ME1: variants seen among roughly 807,000 people sequenced by gnomAD.
ME1 encodes malic enzyme 1.
In ME1, 74 loss-of-function variants were observed where a neutral mutation model predicts 66.4. The observed-to-expected ratio is 1.11, with a 90% confidence interval of 0.92 to 1.35. ME1 has a LOEUF of 1.35. Ranked by LOEUF, ME1 falls within the 40% of genes most tolerant of loss-of-function variation. The pLI is 0.00. For synonymous variants in ME1, 251 were observed against 235.6 expected (o/e 1.07, Z -0.60); for missense variants, 750 against 694.1 (o/e 1.08, Z -0.90).
chr6:83,358,530 A>G (rs1370887986), intron 3 of ME1, among the ~76,000 whole-genome samples: 2 of 152,208 alleles, frequency 1.3e-5, no homozygotes, highest in Non-Finnish European at 2.9e-5. Context: ...ACAAGCTCTT[A>G]TTGTGCAAGT....
At chr6:83,275,569 C>T (rs1767163620) in intron 6 of ME1, among the ~76,000 whole-genome samples, 1 of 140,576 alleles carries the variant, frequency 7.1e-6, no homozygotes, top group African/African-American at 2.6e-5. Context: ...GGGTTCATGC[C>T]ATTCTCCTGC....
chr6:83,255,171 G>C (rs1583342746), intron 6 of ME1, among the ~76,000 whole-genome samples: 1 of 151,902 alleles, frequency 6.6e-6, no homozygotes, highest in Middle Eastern at 3.4e-3. Flanking sequence ...TTGTTTGTTT[G>C]TTTGTTTTAT....
chr6:83,279,366 G>A (rs1459268505), intron 6 of ME1, among the ~76,000 whole-genome samples: 1 of 152,208 alleles, frequency 6.6e-6, no homozygotes, highest in Non-Finnish European at 1.5e-5. Flanking sequence ...AGATATAGTG[G>A]AAATTTTGGA....
intron 3 of ME1, among the ~76,000 whole-genome samples, chr6:83,363,551 T>C (rs557701672): frequency 7.2e-5 from 11 of 152,264 alleles, no homozygotes; most frequent in Middle Eastern, 3.4e-3. Context: ...CCTTCAGGAA[T>C]GGAGGTTTGG....
chr6:83,380,462 T>C (rs879891769), intron 3 of ME1, among the ~76,000 whole-genome samples: 2 of 151,704 alleles, frequency 1.3e-5, no homozygotes, highest in Non-Finnish European at 2.9e-5. Flanking sequence ...AAATATGCAG[T>C]AGTAGTCCAG....
chr6:83,412,008 T>C (rs1770057070), intron 1 of ME1, among the ~76,000 whole-genome samples: 1 of 152,144 alleles, frequency 6.6e-6, no homozygotes, highest in Non-Finnish European at 1.5e-5. Context: ...ACTGAGACTG[T>C]CAAGCAGAAA....
chr6:83,242,090 T>C lies in ME1; in HGVS notation c.815-2454A>G, dbSNP rs894150159. Among the ~76,000 whole-genome samples, 7 of 152,300 alleles carry C rather than the reference T, an allele frequency of 4.6e-5. No individual in the cohort carries two copies. The East Asian group carries it at 1.4e-3, about 29-fold the overall frequency. ...GTTGGCCAGACTGGTCTCACACCCC[T>C]GACCTCAGGTGATCTGCCCGCCTCA... On this transcript the variant is annotated intron_variant, in intron 7 of 13. Transcript: ENST00000369705.
intron 6 of ME1, among the ~76,000 whole-genome samples, chr6:83,290,951 T>A (rs2128534820): frequency 6.6e-6 from 1 of 152,284 alleles, no homozygotes. Flanking sequence ...CCTGCTTTTT[T>A]TTTGCTTTGC....
At chr6:83,373,481 G>T (rs1769231810) in intron 3 of ME1, among the ~76,000 whole-genome samples, 2 of 152,140 alleles carry the variant, frequency 1.3e-5, no homozygotes, top group African/African-American at 4.8e-5. Context: ...GCCTCCAAAA[G>T]TGCTGGGATT....
In ME1 at chr6:83,211,492, G is replaced by T. The variant is rs1445163081; in HGVS notation, c.*432C>A. 2 of 150,796 alleles carry T rather than the reference G, an allele frequency of 1.3e-5. No homozygotes were observed. The highest frequency in any genetic ancestry group is 4.9e-5 in the African/African-American group (2 of 40,910). The allele number at this position is 150,796 out of a possible 1,614,324, so 9.3% of individuals were successfully genotyped here. ...AACAAAGTAGTGTTATTTCTGCTTA[G>T]CAAAAGTTCACCTACGCCTAGATTC... On this transcript the variant is annotated 3_prime_UTR_variant, in exon 14 of 14. Transcript: ENST00000369705.
Position 83,407,860 on chromosome 6 carries a change from A to G in ME1, c.120T>C (p.Ile40=), listed in dbSNP as rs1769976089. The change falls in exon 2 of 14, where the codon ATT becomes ATC. Residue 40 remains isoleucine, a synonymous_variant. Transcript: ENST00000369705. ...FTLEERQQLN[I]HGLLPPSFNS... ...TGAAGGAAGGTGGCAACAATCCATG[A>G]ATGTTCAATTGCTGTCTCTCTTCCA... 1.2e-6 allele frequency: 2 copies of G among 1,613,242 alleles called. No individual in the cohort carries two copies. The highest frequency in any genetic ancestry group is 2.7e-5 in the African/African-American group (2 of 74,906).
intron 3 of ME1, among the ~76,000 whole-genome samples, chr6:83,393,610 A>C (rs981737942): frequency 3.3e-5 from 5 of 150,194 alleles, no homozygotes; most frequent in African/African-American, 1.2e-4. Flanking sequence ...GTGCTTGCCA[A>C]AAAAAAAAAA....
intron 7 of ME1, among the ~76,000 whole-genome samples, chr6:83,244,930 G>C (rs1031692749): frequency 6.6e-6 from 1 of 151,978 alleles, no homozygotes; most frequent in African/African-American, 2.4e-5. Context: ...AAGAACAAAG[G>C]TCAATCAAGA....
chr6:83,291,711 T>A lies in ME1; in HGVS notation c.704+23599A>T, dbSNP rs143446585. Among the ~76,000 whole-genome samples the A allele has an allele frequency of 2.2e-4, 33 of 152,210 alleles. No homozygotes were observed. In the East Asian group the frequency reaches 6.4e-3, roughly 29 times the overall value. ...TTCTCCTGCATAATATCCTGAAGAG[T>A]GTTTTCTAACTTGGTTCCATTCTCC... On this transcript the variant is annotated intron_variant, in intron 6 of 13. Coordinates refer to ENST00000369705, the MANE Select transcript of ME1 (RefSeq NM_002395.6).
intron 6 of ME1, among the ~76,000 whole-genome samples, chr6:83,289,456 T>A (rs138521458): frequency 6.6e-6 from 1 of 152,338 alleles, no homozygotes; most frequent in African/African-American, 2.4e-5. Flanking sequence ...TTTTGTTTAT[T>A]GATTTGCATA....
chr6:83,413,599 T>G (rs1157254894), intron 1 of ME1, among the ~76,000 whole-genome samples: 1 of 152,020 alleles, frequency 6.6e-6, no homozygotes, highest in Non-Finnish European at 1.5e-5. Context: ...TATTTATTAT[T>G]CTGAAAGAGA....
At chr6:83,372,283 A>G (rs560988308) in intron 3 of ME1, among the ~76,000 whole-genome samples, 1 of 152,266 alleles carries the variant, frequency 6.6e-6, no homozygotes, top group African/African-American at 2.4e-5. Context: ...ATTCTTAAGA[A>G]CTATCAGCTT....
chr6:83,221,469 C>T (rs1790090577), intron 12 of ME1, among the ~76,000 whole-genome samples: 1 of 152,128 alleles, frequency 6.6e-6, no homozygotes, highest in African/African-American at 2.4e-5. Context: ...TGTTTGAAGG[C>T]TATGGGATGA....
chr6:83,345,982 C>A (rs1768677158), intron 5 of ME1, among the ~76,000 whole-genome samples, 191 bp downstream of exon 5: 1 of 151,970 alleles, frequency 6.6e-6, no homozygotes, highest in South Asian at 2.1e-4. Flanking sequence ...AAAGATTAAT[C>A]ACGTTATTAA....
Sources: allele counts gnomAD v4.1 joint callset (sites outside exome capture counted in the v4.1 genomes callset), GRCh38; gene constraint gnomAD v4.1.1; transcripts MANE v1.5; gene names NCBI Gene and HGNC (gene_info 2026-07-23, HGNC 2026-07-21).